The following PRELID2 variants were observed in gnomAD, a reference collection of about 807,000 sequenced individuals.
PRELID2 encodes the protein PRELI domain containing 2.
Under a neutral mutation model 28.4 loss-of-function variants are expected in PRELID2, and 25 were observed. The observed-to-expected ratio is 0.88, with a 90% CI of 0.64 to 1.23. PRELID2 has a LOEUF of 1.23. Among genes scored for constraint, PRELID2 ranks in the 50% most tolerant of loss-of-function variants. PRELID2 has a pLI of 0.00. For missense variants in PRELID2, 201 were observed against 214.4 expected (o/e 0.94, Z 0.39); for synonymous variants, 76 against 71.6 (o/e 1.06, Z -0.31).
At chr5:145,734,224 T>C (rs1380143852) in intron 1 of PRELID2, among the ~76,000 whole-genome samples, 2 of 152,124 alleles carry the variant, frequency 1.3e-5, no homozygotes, top group Non-Finnish European at 2.9e-5. Context: ...GAAGCAATCC[T>C]CGCACCTCAG....
rs188992061 is a variant in PRELID2 at position 145,757,939 on chromosome 5, T to G, written c.*2597A>C. ...GTAATCCCTGAGGATTATTTAGGAA[T>G]GAGGAGGAAGATACATCTAAAAGTA... is the stretch of plus-strand genomic sequence containing the variant. On this transcript the variant is annotated 3_prime_UTR_variant, in exon 7 of 7. Transcript: ENST00000683046. Among the ~76,000 whole-genome samples, 2 of 151,816 alleles carry G rather than the reference T, an allele frequency of 1.3e-5. No individual in the cohort carries two copies. The highest frequency in any genetic ancestry group is 3.9e-4 in the East Asian group (2 of 5,158).
At chr5:145,590,935 C>A (rs1451896160) in intron 1 of PRELID2, among the ~76,000 whole-genome samples, 5 of 151,642 alleles carry the variant, frequency 3.3e-5, no homozygotes, top group African/African-American at 7.3e-5. Flanking sequence ...ACCTGATGCC[C>A]AAACTCAAGG....
At chr5:145,680,822 A>G (rs1754917895) in intron 1 of PRELID2, among the ~76,000 whole-genome samples, 1 of 152,106 alleles carries the variant, frequency 6.6e-6, no homozygotes, top group Non-Finnish European at 1.5e-5. Flanking sequence ...AAAAAAGCGT[A>G]TAACAAGACT....
chr5:145,487,348 G>A (rs1752227557), intron 1 of PRELID2, among the ~76,000 whole-genome samples: 1 of 152,118 alleles, frequency 6.6e-6, no homozygotes, highest in South Asian at 2.1e-4. Flanking sequence ...GTTATGAAGT[G>A]TATAGAACTC....
At chr5:145,245,522 G>A in the PRELID2 span, among the ~76,000 whole-genome samples, 1 of 152,054 alleles carries the variant, frequency 6.6e-6, no homozygotes, top group African/African-American at 2.4e-5. Flanking sequence ...CTCCTCTGAA[G>A]TCCAAAGCAG....
intron 1 of PRELID2, among the ~76,000 whole-genome samples, chr5:145,640,643 CAAA>C (rs750960595): frequency 2.7e-5 from 2 of 73,864 alleles, no homozygotes; most frequent in African/African-American, 3.9e-5. Context: ...GACTCTGTCT[CAAA>C]AAAAAAAAAA....
the PRELID2 span, among the ~76,000 whole-genome samples, chr5:145,451,742 A>G: frequency 6.6e-6 from 1 of 152,196 alleles, no homozygotes; most frequent in Non-Finnish European, 1.5e-5. Flanking sequence ...AGCTGCCTGC[A>G]TAATATCCCC....
chr5:145,564,483 C>G (rs1752948893), intron 1 of PRELID2, among the ~76,000 whole-genome samples: 1 of 152,214 alleles, frequency 6.6e-6, no homozygotes, highest in Non-Finnish European at 1.5e-5. Context: ...CTTGGTACAG[C>G]TGGCTCCCTC....
chr5:145,808,293 G>A (rs1753668072), intron 4 of PRELID2, among the ~76,000 whole-genome samples: 1 of 151,992 alleles, frequency 6.6e-6, no homozygotes. Flanking sequence ...AATCAAAAAT[G>A]CCAGTGCCAA....
intron 1 of PRELID2, among the ~76,000 whole-genome samples, chr5:145,629,235 A>T (rs1581013007): frequency 6.6e-6 from 1 of 152,324 alleles, no homozygotes; most frequent in East Asian, 1.9e-4. Flanking sequence ...AACAAGTGTC[A>T]AGAAGAGATT....
At chr5:145,386,074 G>A in the PRELID2 span, among the ~76,000 whole-genome samples, 317 of 152,204 alleles carry the variant, frequency 2.1e-3, 1 homozygote, top group African/African-American at 7.2e-3. Context: ...AAGGAAAGAG[G>A]TTTAATTGAC....
chr5:145,650,540 A>C (rs1375707734), intron 1 of PRELID2, among the ~76,000 whole-genome samples: 1 of 91,176 alleles, frequency 1.1e-5, no homozygotes, highest in Non-Finnish European at 2.3e-5. Context: ...ACATATATAT[A>C]TATATATATA....
At chr5:145,409,550 C>CA in the PRELID2 span, among the ~76,000 whole-genome samples, 4 of 151,530 alleles carry the variant, frequency 2.6e-5, no homozygotes, top group African/African-American at 4.9e-5. Context: ...AAAATGGAAA[C>CA]AAAAAACAAG....
At chr5:145,720,503 C>T (rs1243676651) in intron 1 of PRELID2, among the ~76,000 whole-genome samples, 1 of 151,842 alleles carries the variant, frequency 6.6e-6, no homozygotes, top group Non-Finnish European at 1.5e-5. Flanking sequence ...TTATATTCAG[C>T]TAAGCTGTTC....
intron 1 of PRELID2, among the ~76,000 whole-genome samples, chr5:145,597,970 C>T (rs1041114386): frequency 2.4e-4 from 36 of 151,984 alleles, no homozygotes; most frequent in Non-Finnish European, 3.8e-4. Flanking sequence ...AGATAGTAAA[C>T]GTAAGATGCT....
At chr5:145,386,656 C>G in the PRELID2 span, among the ~76,000 whole-genome samples, 1 of 152,142 alleles carries the variant, frequency 6.6e-6, no homozygotes, top group African/African-American at 2.4e-5. Flanking sequence ...ATACATGGCC[C>G]TTATTATTTT....
chr5:145,330,013 T>C, the PRELID2 span, among the ~76,000 whole-genome samples: 30 of 152,358 alleles, frequency 2.0e-4, no homozygotes, highest in African/African-American at 7.0e-4. Context: ...GAAGGCCTTT[T>C]CTGCATCTAT....
the PRELID2 span, among the ~76,000 whole-genome samples, chr5:145,359,213 A>G: frequency 6.6e-6 from 1 of 152,192 alleles, no homozygotes; most frequent in Non-Finnish European, 1.5e-5. Context: ...TATTCACTCC[A>G]GACATGAATT....
At chr5:145,777,895 C>G (rs936940352) in intron 5 of PRELID2, among the ~76,000 whole-genome samples, 1 of 152,206 alleles carries the variant, frequency 6.6e-6, no homozygotes, top group Non-Finnish European at 1.5e-5. Flanking sequence ...TCTCAGCTGT[C>G]AGGAACTGCT....
Sources: allele counts gnomAD v4.1 joint callset (sites outside exome capture counted in the v4.1 genomes callset), GRCh38; gene constraint gnomAD v4.1.1; transcripts MANE v1.5; gene names NCBI Gene and HGNC (gene_info 2026-07-23, HGNC 2026-07-21).